The following SIK3 variants were observed in gnomAD, a reference collection of about 807,000 sequenced individuals.
The protein encoded by SIK3 is serine/threonine-protein kinase SIK3.
SIK3 carries 28 observed loss-of-function variants against 144.2 expected under a neutral mutation model. The ratio of observed to expected loss-of-function variants is 0.19; its 90% CI spans 0.14 to 0.27. The LOEUF (loss-of-function observed/expected upper bound fraction) is 0.27. Ranked by LOEUF, SIK3 falls within the 10% of genes least tolerant of loss-of-function variation. The pLI is 1.00. For missense variants in SIK3, 1,319 were observed against 1,776.0 expected, an observed-to-expected ratio of 0.74 and a Z score of 4.62; for synonymous variants, 686 against 676.3, an observed-to-expected ratio of 1.01 and a Z score of -0.22.
At chr11:117,078,434 T>G (rs1954645693) in intron 1 of SIK3, among the ~76,000 whole-genome samples, 2 of 149,526 alleles carry the variant, frequency 1.3e-5, no homozygotes, top group Non-Finnish European at 1.5e-5. Flanking sequence ...TTTTTTTTTT[T>G]GAGACGGAGT....
At chr11:117,076,155 T>G (rs1178983564) in intron 1 of SIK3, among the ~76,000 whole-genome samples, 3 of 152,000 alleles carry the variant, frequency 2.0e-5, no homozygotes, top group Non-Finnish European at 2.9e-5. Flanking sequence ...GGCCAGTTAC[T>G]GATACTCGTA....
chr11:116,984,050 C>CACAAA, intron 1 of SIK3, among the ~76,000 whole-genome samples: 1 of 80,894 alleles, frequency 1.2e-5, no homozygotes, highest in South Asian at 4.3e-4. Flanking sequence ...GACCCTGACT[C>CACAAA]AAAAAAAAAA....
At chr11:116,950,343 A>C (rs1948875624) in intron 3 of SIK3, 1 of 333,124 alleles carries the variant, frequency 3.0e-6, no homozygotes, top group Admixed American at 4.1e-5. Flanking sequence ...TTTTCGAATA[A>C]ACTTCTGCAC....
chr11:117,028,789 G>A (rs922665685), intron 1 of SIK3, among the ~76,000 whole-genome samples: 3 of 152,146 alleles, frequency 2.0e-5, no homozygotes, highest in African/African-American at 7.2e-5. Flanking sequence ...CAGGCTCATG[G>A]GTGCCATGCT....
At chr11:116,922,919 T>C (rs1947078005) in intron 4 of SIK3, among the ~76,000 whole-genome samples, 3 of 138,414 alleles carry the variant, frequency 2.2e-5, no homozygotes, top group African/African-American at 8.0e-5. Flanking sequence ...TTTTTTTTTT[T>C]TTTTTTTTTT....
Position 116,858,091 on chromosome 11 carries a change from G to T in SIK3, c.3374C>A (p.Pro1125His), listed in dbSNP as rs748153873. Reference sequence around the variant, plus strand: ...GTGAGCATACCCGTGGGGCGGGGTGGGTGAGGAAGCCTGTGAGACACATTC... The same window carrying T: ...GTGAGCATACCCGTGGGGCGGGGTGTGTGAGGAAGCCTGTGAGACACATTC... ...AQECVSQASS[P>H]TPPHGYAHQP... Residue 1125 changes from proline to histidine, a missense_variant, in exon 21 of 25, where the codon CCC (proline) becomes CAC (histidine). Physicochemically the swap from Pro to His is moderately conservative, Grantham distance 77. Around this residue, in one of 8 missense-constraint regions of SIK3, gnomAD observed 646 missense variants for 763.7 expected, o/e 0.85. Transcript: ENST00000445177. The surrounding 1 kb of genome is among the most constrained non-coding windows in gnomAD (Gnocchi z 5.4). 1 of 1,613,950 alleles carries T rather than the reference G, an allele frequency of 6.2e-7. No homozygotes were observed. Among genetic ancestry groups the T allele is most frequent in the Non-Finnish European group, 8.5e-7 (1 of 1,179,966 alleles).
At chr11:116,922,907 C>CTTTTTTTTTTTTTTT (rs202058609) in intron 4 of SIK3, among the ~76,000 whole-genome samples, 7 of 102,174 alleles carry the variant, frequency 6.9e-5, no homozygotes, top group Non-Finnish European at 1.2e-4. Flanking sequence ...TTTCTTTTCT[C>CTTTTTTTTTTTTTTT]TTTTTTTTTT....
chr11:117,047,653 A>G (rs1453716278), intron 1 of SIK3, among the ~76,000 whole-genome samples: 1 of 152,208 alleles, frequency 6.6e-6, no homozygotes, highest in Non-Finnish European at 1.5e-5. Flanking sequence ...TTGCATTAAA[A>G]TAGTTCAGGG....
At chr11:117,056,220 T>C (rs1037791979) in intron 1 of SIK3, among the ~76,000 whole-genome samples, 12 of 152,284 alleles carry the variant, frequency 7.9e-5, no homozygotes, top group Non-Finnish European at 1.2e-4. Context: ...TTCATGTCCT[T>C]TGTAGGGACA....
chr11:117,039,192 T>A (rs1952640458), intron 1 of SIK3, among the ~76,000 whole-genome samples: 1 of 152,226 alleles, frequency 6.6e-6, no homozygotes, highest in Non-Finnish European at 1.5e-5. Flanking sequence ...AGAAAAAGCA[T>A]AATTAATAAA....
intron 1 of SIK3, among the ~76,000 whole-genome samples, chr11:116,989,827 G>T (rs759666965): frequency 1.3e-5 from 2 of 152,124 alleles, no homozygotes; most frequent in Non-Finnish European, 2.9e-5. Flanking sequence ...AAGTTAAGCA[G>T]ATAGTTTCTG....
intron 3 of SIK3, among the ~76,000 whole-genome samples, chr11:116,930,481 G>A (rs1274407653): frequency 6.6e-6 from 1 of 152,182 alleles, no homozygotes; most frequent in East Asian, 1.9e-4. Flanking sequence ...ATCCAGAGCT[G>A]TAGACCAGCC....
chr11:116,959,996 C>A (rs1297693027), intron 1 of SIK3, among the ~76,000 whole-genome samples: 2 of 152,142 alleles, frequency 1.3e-5, no homozygotes, highest in African/African-American at 4.8e-5. Context: ...CTGATTTGAT[C>A]ATTACATGTT....
chr11:117,075,594 TG>T (rs1391220299), intron 1 of SIK3, among the ~76,000 whole-genome samples: 2 of 150,004 alleles, frequency 1.3e-5, no homozygotes, highest in East Asian at 3.9e-4. Flanking sequence ...CAGGCTGGAG[TG>T]CAGTGGCACG....
intron 1 of SIK3, among the ~76,000 whole-genome samples, chr11:117,022,477 AC>A (rs763644431): frequency 2.6e-5 from 4 of 152,212 alleles, no homozygotes; most frequent in Non-Finnish European, 5.9e-5. Context: ...CTACATTTCA[AC>A]TTCTGTGTAC....
At chr11:117,021,950 A>AAAC (rs1951791710) in intron 1 of SIK3, among the ~76,000 whole-genome samples, 2 of 132,846 alleles carry the variant, frequency 1.5e-5, no homozygotes, top group Non-Finnish European at 3.1e-5. Flanking sequence ...AAAAAAAAAA[A>AAAC]AAAAAAAAAA....
At chr11:116,851,139 ACTAT>A (rs1942399702) in intron 21 of SIK3, among the ~76,000 whole-genome samples, 2 of 152,276 alleles carry the variant, frequency 1.3e-5, no homozygotes, top group Admixed American at 6.5e-5. Context: ...AGTCAAGAAG[ACTAT>A]CAAAGCCACA....
At chr11:116,978,973 T>C (rs1026407409) in intron 1 of SIK3, among the ~76,000 whole-genome samples, 2 of 152,210 alleles carry the variant, frequency 1.3e-5, no homozygotes, top group South Asian at 2.1e-4. Context: ...TTTGAGTTGT[T>C]TGGATTTTTA....
intron 1 of SIK3, among the ~76,000 whole-genome samples, chr11:117,062,143 G>A (rs1953822881): frequency 6.6e-6 from 1 of 151,910 alleles, no homozygotes; most frequent in Non-Finnish European, 1.5e-5. Flanking sequence ...TGGCCAACAT[G>A]GTGAAACCCC....
Sources: gnomAD v4.1 joint callset for allele counts (sites outside exome capture counted in the v4.1 genomes callset) on GRCh38, gnomAD v4.1.1 for gene constraint, gnomAD v4.1.1 regional missense constraint, Gnocchi (gnomAD v3.1) non-coding constraint, MANE v1.5 for transcripts, NCBI Gene and HGNC (gene_info 2026-07-23, HGNC 2026-07-21) for gene names.